DNAH9: variants seen among roughly 807,000 people sequenced by gnomAD.
DNAH9 encodes dynein axonemal heavy chain 9.
Under a neutral mutation model 471.6 loss-of-function variants are expected in DNAH9, and 345 were observed. The ratio of observed to expected loss-of-function variants is 0.73; its 90% CI spans 0.67 to 0.80. The LOEUF is 0.80. Among genes scored for constraint, DNAH9 ranks in the 30% least tolerant of loss-of-function variants. The pLI, the probability that DNAH9 is intolerant of heterozygous loss-of-function variation, is 0.00. For missense variants in DNAH9, 5,407 were observed against 5,609.2 expected (o/e 0.96, Z 1.15); for synonymous variants, 2,093 against 2,123.6 (o/e 0.99, Z 0.40).
intron 23 of DNAH9, among the ~76,000 whole-genome samples, chr17:11,700,092 A>G (rs2074564567): frequency 6.6e-6 from 1 of 152,218 alleles, no homozygotes; most frequent in South Asian, 2.1e-4. Context: ...ACACATGTCA[A>G]CATTCATATC....
intron 49 of DNAH9, among the ~76,000 whole-genome samples, chr17:11,844,448 C>G (rs1597725503): frequency 6.6e-6 from 1 of 152,308 alleles, no homozygotes; most frequent in Admixed American, 6.5e-5. Context: ...CTCTGTCACC[C>G]AGGCTGGAGT....
chr17:11,913,802 AAAAG>A (rs1035621703), intron 61 of DNAH9, among the ~76,000 whole-genome samples: 17 of 151,920 alleles, frequency 1.1e-4, no homozygotes, highest in African/African-American at 4.1e-4. Flanking sequence ...AAAGAAAAGA[AAAAG>A]AAAAAGAGAA....
At chr17:11,620,313 G>C (rs2150657131) in intron 6 of DNAH9, among the ~76,000 whole-genome samples, 1 of 151,584 alleles carries the variant, frequency 6.6e-6, no homozygotes, top group South Asian at 2.1e-4. Context: ...AGGAGTTCGA[G>C]ACCAGTCTGG....
chr17:11,821,670 G>C (rs1322105778), intron 45 of DNAH9, among the ~76,000 whole-genome samples: 1 of 152,118 alleles, frequency 6.6e-6, no homozygotes, highest in African/African-American at 2.4e-5. Context: ...ACTGTTGAAG[G>C]CTCTTGTGTT....
At chr17:11,964,390 A>G (rs1206026574) in intron 68 of DNAH9, among the ~76,000 whole-genome samples, 3 of 152,204 alleles carry the variant, frequency 2.0e-5, no homozygotes, top group Admixed American at 6.5e-5. Flanking sequence ...TGGGGGAATG[A>G]TATCAGTTTC....
chr17:11,704,581 AC>A, intron 25 of DNAH9, 139 bp downstream of exon 25: 10 of 639,782 alleles, frequency 1.6e-5, no homozygotes, highest in Non-Finnish European at 2.4e-5. Flanking sequence ...GGCTGCTCCT[AC>A]TTTTTTTTTT....
At position 11,654,288 on chromosome 17, in the gene DNAH9, G is replaced by A. The variant is rs1219739016; in HGVS notation, c.2595+1286G>A. 5.2e-5 allele frequency among the ~76,000 whole-genome samples: 3 copies of A among 57,770 alleles called. 1 individual carries two copies. The East Asian group carries it at 1.1e-3, about 21-fold the overall frequency. The allele number at this position is 57,770 out of a possible 152,430, so 37.9% of individuals were successfully genotyped here. A position where few individuals can be genotyped will look rare whatever the true frequency, so the allele number is the denominator to read the frequency against. On this transcript the variant is annotated intron_variant, in intron 14 of 68. Transcript: ENST00000262442. The stretch of plus-strand genomic sequence containing the variant: ...GGAGAATGGCGTGAACCCGGGAGGC[G>A]GAGCTTGCAGTGAGCCGAGATTGCG...
At chr17:11,862,752 A>G (rs1971906328) in intron 50 of DNAH9, among the ~76,000 whole-genome samples, 1 of 152,006 alleles carries the variant, frequency 6.6e-6, no homozygotes, top group African/African-American at 2.4e-5. Flanking sequence ...TGTAAGTTGG[A>G]TTCCTAGGTA....
At chr17:11,961,574 A>G (rs1036587592) in intron 67 of DNAH9, among the ~76,000 whole-genome samples, 13 of 152,204 alleles carry the variant, frequency 8.5e-5, no homozygotes, top group African/African-American at 2.9e-4. Flanking sequence ...TAAGGTCTGC[A>G]ATGGGAAGCA....
chr17:11,719,196 C>T, intron 26 of DNAH9, 138 bp from the exon 27 acceptor site: 1 of 785,396 alleles, frequency 1.3e-6, no homozygotes, highest in Non-Finnish European at 2.0e-6. Context: ...CCCCACAGTG[C>T]TGTGGGGAGC....
intron 49 of DNAH9, among the ~76,000 whole-genome samples, chr17:11,847,079 A>C (rs1253131578): frequency 1.3e-5 from 2 of 152,130 alleles, no homozygotes; most frequent in Non-Finnish European, 2.9e-5. Flanking sequence ...TTTCTTGTAA[A>C]TTTAAGTTCC....
chr17:11,883,980 T>C (rs1972805158), intron 56 of DNAH9, among the ~76,000 whole-genome samples: 1 of 152,188 alleles, frequency 6.6e-6, no homozygotes, highest in South Asian at 2.1e-4. Context: ...ACTTTTGATG[T>C]CTTAACTCCA....
At chr17:11,823,903 C>G (rs971002644) in intron 48 of DNAH9, among the ~76,000 whole-genome samples, 1 of 149,054 alleles carries the variant, frequency 6.7e-6, no homozygotes, top group East Asian at 2.0e-4. Flanking sequence ...GCCGTCCAGC[C>G]TGGGTGATAG....
chr17:11,876,289 A>T (rs1159972460), intron 53 of DNAH9, among the ~76,000 whole-genome samples: 1 of 152,200 alleles, frequency 6.6e-6, no homozygotes, highest in African/African-American at 2.4e-5. Flanking sequence ...TTAGATTGTG[A>T]TACAAAGGAG....
chr17:11,683,422 T>G (rs1023984476), intron 19 of DNAH9, among the ~76,000 whole-genome samples: 2 of 152,182 alleles, frequency 1.3e-5, no homozygotes, highest in African/African-American at 2.4e-5. Context: ...TCCTCCCACC[T>G]TGGCCTCCCA....
intron 61 of DNAH9, among the ~76,000 whole-genome samples, chr17:11,917,683 C>T (rs1974001792): frequency 1.3e-5 from 2 of 152,170 alleles, no homozygotes; most frequent in South Asian, 4.1e-4. Flanking sequence ...CCTTGGGTTA[C>T]TGTGAAGATA....
Position 11,647,207 on chromosome 17 carries a change from G to A in DNAH9, c.2097+9G>A, listed in dbSNP as rs937539441. On this transcript the variant is annotated intron_variant, in intron 12 of 68. Transcript: ENST00000262442. ...TCAACTTTAACCCACAGGTCAGTTG[G>A]CTGACAGTAGCTCTCTTTTGGGTTC... is the stretch of plus-strand genomic sequence containing the variant. 1 of 1,612,780 alleles carries A rather than the reference G, an allele frequency of 6.2e-7. No homozygotes were observed. The highest frequency in any genetic ancestry group is 1.7e-4 in the Middle Eastern group (1 of 6,052).
intron 20 of DNAH9, among the ~76,000 whole-genome samples, chr17:11,693,069 C>CTT (rs35936347): frequency 9.9e-6 from 1 of 101,338 alleles, no homozygotes; most frequent in African/African-American, 3.7e-5. Context: ...CCATGACCGG[C>CTT]TTTTTTTTTT....
rs149413774 is a variant in DNAH9, at chr17:11,852,323, T to C, written c.9508-1680T>C. Among the ~76,000 whole-genome samples, 244 of 152,264 alleles carry C rather than the reference T, an allele frequency of 1.6e-3. 1 individual carries two copies. The highest frequency in any genetic ancestry group is 2.2e-3 in the Non-Finnish European group (153 of 68,006). On this transcript the variant is annotated intron_variant, in intron 49 of 68. Transcript: ENST00000262442. Reference sequence around the variant, plus strand: ...CTACATTGGGGCTCCACTGCCCTAATAGGAAGTGGTAGGGAGCTGGGCGTG... The same window carrying C: ...CTACATTGGGGCTCCACTGCCCTAACAGGAAGTGGTAGGGAGCTGGGCGTG...
Sources: gnomAD v4.1 joint callset for allele counts (sites outside exome capture counted in the v4.1 genomes callset) on GRCh38, gnomAD v4.1.1 for gene constraint, MANE v1.5 for transcripts, NCBI Gene and HGNC (gene_info 2026-07-23, HGNC 2026-07-21) for gene names.